The following PLCB4 variants were observed in gnomAD, a reference collection of about 807,000 sequenced individuals.
PLCB4 encodes the protein phospholipase C beta 4.
A neutral mutation model predicts 178.8 loss-of-function variants in PLCB4; 77 were observed. That is an observed-to-expected ratio of 0.43 (90% CI 0.36 to 0.52). The LOEUF (loss-of-function observed/expected upper bound fraction) is 0.52. PLCB4 is among the 20% of genes least tolerant of loss of function. The pLI is 0.00. For missense variants in PLCB4, 1,024 were observed against 1,453.4 expected (o/e 0.70, Z 4.80); for synonymous variants, 496 against 490.8 (o/e 1.01, Z -0.14).
At chr20:9,232,495 T>G (rs2093943921) in intron 3 of PLCB4, among the ~76,000 whole-genome samples, 1 of 152,130 alleles carries the variant, frequency 6.6e-6, no homozygotes, top group Non-Finnish European at 1.5e-5. Flanking sequence ...AGAAAACCAT[T>G]CAGAGTCTCA....
chr20:9,136,741 C>T (rs1240627194), intron 2 of PLCB4, among the ~76,000 whole-genome samples: 1 of 152,108 alleles, frequency 6.6e-6, no homozygotes, highest in East Asian at 1.9e-4. Flanking sequence ...GCTCTTTCCT[C>T]TTTCCATCAT....
At chr20:9,305,899 C>T (rs1364330597) in intron 3 of PLCB4, among the ~76,000 whole-genome samples, 1 of 152,146 alleles carries the variant, frequency 6.6e-6, no homozygotes, top group Non-Finnish European at 1.5e-5. Flanking sequence ...CTTCCTGCAT[C>T]TTTGAGAGAT....
At chr20:9,218,010 T>C (rs2093752431) in intron 3 of PLCB4, among the ~76,000 whole-genome samples, 1 of 152,256 alleles carries the variant, frequency 6.6e-6, no homozygotes. Flanking sequence ...TGATTTGTTT[T>C]ATTTATAAAC....
At chr20:9,255,524 G>GTTTTTTTTTTT (rs747482352) in intron 3 of PLCB4, among the ~76,000 whole-genome samples, 1 of 132,116 alleles carries the variant, frequency 7.6e-6, no homozygotes. Context: ...TTTGAACTTA[G>GTTTTTTTTTTT]TTTTTTTTTT....
At chr20:9,435,781 A>G in intron 29 of PLCB4, 133 bp downstream of exon 29, 1 of 552,080 alleles carries the variant, frequency 1.8e-6, no homozygotes, top group Non-Finnish European at 3.3e-6. Context: ...CATCAATTCA[A>G]CAATAGTTAA....
At chr20:9,331,558 A>G (rs1469951023) in intron 4 of PLCB4, among the ~76,000 whole-genome samples, 2 of 152,242 alleles carry the variant, frequency 1.3e-5, no homozygotes, top group African/African-American at 2.4e-5. Flanking sequence ...CTCCACTTCA[A>G]TCAGAGTATT....
intron 25 of PLCB4, among the ~76,000 whole-genome samples, chr20:9,419,303 A>G (rs2040464654): frequency 6.6e-6 from 1 of 152,194 alleles, no homozygotes; most frequent in South Asian, 2.1e-4. Context: ...TCTCTCACCA[A>G]TGTAAATCAC....
At chr20:9,364,819 A>C (rs1283716899) in intron 8 of PLCB4, among the ~76,000 whole-genome samples, 1 of 152,202 alleles carries the variant, frequency 6.6e-6, no homozygotes, top group Non-Finnish European at 1.5e-5. Context: ...AGTACAGATA[A>C]ATGTTCTGAG....
intron 28 of PLCB4, among the ~76,000 whole-genome samples, chr20:9,433,761 G>A (rs2041583518): frequency 6.6e-6 from 1 of 152,056 alleles, no homozygotes. Context: ...AAAAATAATT[G>A]TCTGTGATTT....
intron 2 of PLCB4, among the ~76,000 whole-genome samples, chr20:9,100,499 C>G (rs1194429826): frequency 6.6e-6 from 1 of 152,020 alleles, no homozygotes; most frequent in Non-Finnish European, 1.5e-5. Flanking sequence ...TCAAAAGAAA[C>G]CACTTAGCTG....
At chr20:9,251,665 G>T (rs778498859) in intron 3 of PLCB4, among the ~76,000 whole-genome samples, 1 of 152,050 alleles carries the variant, frequency 6.6e-6, no homozygotes, top group African/African-American at 2.4e-5. Context: ...TGCTCAGAAG[G>T]TCACTTGCAG....
intron 3 of PLCB4, among the ~76,000 whole-genome samples, chr20:9,251,257 A>G (rs1262111416): frequency 6.6e-6 from 1 of 152,188 alleles, no homozygotes; most frequent in Non-Finnish European, 1.5e-5. Flanking sequence ...GCCCTTGCTA[A>G]TGAAAGTGTG....
intron 3 of PLCB4, among the ~76,000 whole-genome samples, chr20:9,223,337 G>A (rs2093822809): frequency 6.6e-6 from 1 of 152,138 alleles, no homozygotes; most frequent in African/African-American, 2.4e-5. Context: ...TATATACGTT[G>A]GGACCTATTC....
chr20:9,161,630 C>T (rs1007278086), intron 2 of PLCB4, among the ~76,000 whole-genome samples: 7 of 152,162 alleles, frequency 4.6e-5, no homozygotes, highest in South Asian at 4.1e-4. Context: ...TTTATTGACT[C>T]GAAGAGACAA....
chr20:9,423,851 A>G lies in PLCB4; in HGVS notation c.2423A>G (p.Tyr808Cys). ...CCGCTTGATGGCCTCCAAGCCGGAT[A>G]TCGACACATTTCCCTTCGAAATGAG... is the stretch of plus-strand genomic sequence containing the variant. Reference protein sequence around the residue: ...ILPLDGLQAGYRHISLRNEGN... With the variant: ...ILPLDGLQAGCRHISLRNEGN... The change falls in exon 28 of 40, where the codon TAT becomes TGT. Residue 808 changes from tyrosine (Y) to cysteine (C), a missense_variant. Around this residue, in one of 7 missense-constraint regions of PLCB4, gnomAD observed 227 missense variants for 374.3 expected, o/e 0.61. Transcript: ENST00000378473. The G allele has an allele frequency of 6.2e-7, 1 of 1,613,830 alleles. No individual in the cohort carries two copies. The highest frequency in any genetic ancestry group is 8.5e-7 in the Non-Finnish European group (1 of 1,179,730).
In PLCB4 at chr20:9,362,980, G is replaced by A; in HGVS notation, c.449+5G>A. ...AATGACATGCCTCAAGAAACAGTGA[G>A]TGTTGTTTGCATTACTCGTTTTTCT... On this transcript the variant is annotated splice_donor_5th_base_variant and intron_variant, in intron 8 of 39. Transcript: ENST00000378473. 1.3e-6 allele frequency: 2 copies of A among 1,595,282 alleles called. No individual in the cohort carries two copies. The highest frequency in any genetic ancestry group is 2.2e-5 in the East Asian group (1 of 44,760).
intron 1 of PLCB4, among the ~76,000 whole-genome samples, chr20:9,076,572 C>G (rs756917340): frequency 6.6e-6 from 1 of 152,198 alleles, no homozygotes; most frequent in Non-Finnish European, 1.5e-5. Flanking sequence ...GATTTGAACT[C>G]TAACCAGTCA....
At chr20:9,472,090 T>C (rs1282587607) in intron 36 of PLCB4, among the ~76,000 whole-genome samples, 2 of 152,096 alleles carry the variant, frequency 1.3e-5, no homozygotes, top group African/African-American at 4.8e-5. Flanking sequence ...CAAATGAAAA[T>C]AATGAAGTGG....
chr20:9,296,796 G>A (rs1438850984), intron 3 of PLCB4, among the ~76,000 whole-genome samples: 1 of 152,052 alleles, frequency 6.6e-6, no homozygotes, highest in African/African-American at 2.4e-5. Flanking sequence ...CTTATAGGTG[G>A]GAATTGAACA....
Sources: allele counts gnomAD v4.1 joint callset (sites outside exome capture counted in the v4.1 genomes callset), GRCh38; gene constraint gnomAD v4.1.1; regional missense constraint gnomAD v4.1.1; transcripts MANE v1.5; gene names NCBI Gene and HGNC (gene_info 2026-07-23, HGNC 2026-07-21).